GPBP1: variants seen among roughly 807,000 people sequenced by gnomAD.
The protein encoded by GPBP1 is GC-rich promoter binding protein 1.
Under a neutral mutation model 56.5 loss-of-function variants are expected in GPBP1, and 13 were observed. The observed-to-expected ratio is 0.23, with a 90% CI of 0.15 to 0.37. The LOEUF (loss-of-function observed/expected upper bound fraction) is 0.37, where lower values mean the gene tolerates loss of function less well. Among genes scored for constraint, GPBP1 ranks in the 10% least tolerant of loss-of-function variants. GPBP1 has a pLI of 1.00. For synonymous variants in GPBP1, 204 were observed against 188.9 expected (o/e 1.08, Z -0.66); for missense variants, 477 against 572.3 (o/e 0.83, Z 1.70).
At chr5:57,246,635 A>G in intron 7 of GPBP1, 151 bp downstream of exon 7, 1 of 579,612 alleles carries the variant, frequency 1.7e-6, no homozygotes, top group East Asian at 2.8e-5. Flanking sequence ...ATGTGCTCTT[A>G]ATTATCTTTG....
At chr5:57,213,678 A>G (rs934787445) in intron 2 of GPBP1, among the ~76,000 whole-genome samples, 8 of 152,152 alleles carry the variant, frequency 5.3e-5, no homozygotes, top group African/African-American at 1.9e-4. Context: ...TGGGCACAAG[A>G]CTACATCATA....
intron 10 of GPBP1, among the ~76,000 whole-genome samples, chr5:57,253,904 G>A (rs951776029): frequency 5.3e-5 from 8 of 151,674 alleles, no homozygotes; most frequent in African/African-American, 9.7e-5. Flanking sequence ...GAGTAGAGGC[G>A]TGAGCCACGA....
chr5:57,205,613 C>A (rs1274772300), intron 2 of GPBP1, among the ~76,000 whole-genome samples: 1 of 149,390 alleles, frequency 6.7e-6, no homozygotes, highest in Non-Finnish European at 1.5e-5. Context: ...TTGATTATAG[C>A]CATTCTAGTG....
chr5:57,202,118 C>A (rs1014723585), intron 2 of GPBP1, among the ~76,000 whole-genome samples: 2 of 152,122 alleles, frequency 1.3e-5, no homozygotes, highest in Admixed American at 6.5e-5. Flanking sequence ...CTCAGCCTTC[C>A]TAGTAGCTGG....
At chr5:57,254,953 C>CT (rs1294809564) in intron 10 of GPBP1, among the ~76,000 whole-genome samples, 1 of 152,170 alleles carries the variant, frequency 6.6e-6, no homozygotes, top group African/African-American at 2.4e-5. Context: ...CAGTTTATGA[C>CT]TTGTGACTAA....
At chr5:57,245,625 A>G (rs1367083401) in intron 6 of GPBP1, 1 of 152,232 alleles carries the variant, frequency 6.6e-6, no homozygotes, top group Non-Finnish European at 1.5e-5. Context: ...AATTATAGGA[A>G]TAATAGGTAT....
At chr5:57,180,505 T>C (rs538009036) in intron 2 of GPBP1, among the ~76,000 whole-genome samples, 1 of 152,298 alleles carries the variant, frequency 6.6e-6, no homozygotes, top group South Asian at 2.1e-4. Context: ...TAACAACGTT[T>C]AGATCTATCA....
chr5:57,196,956 A>G (rs904009178), intron 2 of GPBP1, among the ~76,000 whole-genome samples: 2 of 151,606 alleles, frequency 1.3e-5, no homozygotes, highest in African/African-American at 4.8e-5. Context: ...TAATTTTTTT[A>G]TTTTTAGTAG....
At chr5:57,229,732 C>T (rs1402559854) in intron 3 of GPBP1, among the ~76,000 whole-genome samples, 1 of 151,334 alleles carries the variant, frequency 6.6e-6, no homozygotes, top group Non-Finnish European at 1.5e-5. Context: ...TGGGGTTTCA[C>T]TGTGTTGGCC....
chr5:57,246,970 C>T lies in GPBP1; in HGVS notation c.664-105C>T, dbSNP rs2111922498. On this transcript the variant is annotated intron_variant, in intron 7 of 11. Coordinates refer to ENST00000506184, the MANE Select transcript of GPBP1 (RefSeq NM_022913.4). Reference sequence around the variant, plus strand: ...CAGTGTGATACAAAAATAATTGTTTCCATGAGCCTAGCGTAGTCATTTTTG... The same window carrying T: ...CAGTGTGATACAAAAATAATTGTTTTCATGAGCCTAGCGTAGTCATTTTTG... The T allele has an allele frequency of 3.4e-6, 3 of 880,974 alleles. No homozygotes were observed. In the South Asian group the frequency reaches 6.0e-5, roughly 18 times the overall value. 54.6% of individuals were successfully genotyped at this position (880,974 alleles called of 1,614,324 possible).
At position 57,246,983 on chromosome 5, in the gene GPBP1, G is replaced by A. The variant is rs552316682; in HGVS notation, c.664-92G>A. On this transcript the variant is annotated intron_variant, in intron 7 of 11. Coordinates refer to ENST00000506184, the MANE Select transcript of GPBP1 (RefSeq NM_022913.4). ...AAATAATTGTTTCCATGAGCCTAGC[G>A]TAGTCATTTTTGTTTTATAATATTC... is the stretch of plus-strand genomic sequence containing the variant. The A allele has an allele frequency of 5.6e-4, 595 of 1,067,902 alleles. 6 individuals are homozygous for A. In the South Asian group the frequency reaches 7.2e-3, roughly 13 times the overall value. 66.2% of individuals were successfully genotyped at this position (1,067,902 alleles called of 1,614,324 possible). A position where few individuals can be genotyped will look rare whatever the true frequency, so the allele number is the denominator to read the frequency against.
At chr5:57,214,343 T>G in intron 3 of GPBP1, 150 bp downstream of exon 3, 1 of 671,590 alleles carries the variant, frequency 1.5e-6, no homozygotes, top group East Asian at 2.9e-5. Context: ...CTCAGCACTT[T>G]GGGAGGCTGA....
intron 5 of GPBP1, among the ~76,000 whole-genome samples, chr5:57,232,007 G>A (rs7713382): frequency 0.27 from 41,514 of 152,008 alleles, 6,283 homozygotes; most frequent in East Asian, 0.71. Context: ...TCATGTTTGT[G>A]TGTGTGTATC....
intron 2 of GPBP1, among the ~76,000 whole-genome samples, chr5:57,183,607 C>T (rs919380429): frequency 1.3e-5 from 2 of 151,994 alleles, no homozygotes; most frequent in Admixed American, 6.6e-5. Context: ...TGTATCACTG[C>T]ACTGTAGCCT....
intron 2 of GPBP1, among the ~76,000 whole-genome samples, chr5:57,190,746 C>T (rs1423974799): frequency 4.5e-5 from 5 of 111,442 alleles, no homozygotes; most frequent in Non-Finnish European, 8.4e-5. Context: ...CTTGCTCTGT[C>T]ACCCAGGCTA....
In GPBP1 at chr5:57,251,080, A is replaced by G. The variant is rs1180151378; in HGVS notation, c.1099A>G (p.Ile367Val). The change falls in exon 10 of 12, where the codon ATT becomes GTT. Residue 367 changes from isoleucine (I) to valine (V), a missense_variant. Around this residue, in one of 2 missense-constraint regions of GPBP1, gnomAD observed 414 missense variants for 458.2 expected, o/e 0.90. Transcript: ENST00000506184. ...TGCCTCAGTGATTTCCCAGCAGATC[A>G]TTCGGTCTTCAACCTTCCCACAAAC... ...GNASVISQQI[I>V]RSSTFPQTDV... The G allele has an allele frequency of 1.2e-6, 2 of 1,613,398 alleles. No homozygotes were observed. Among genetic ancestry groups the G allele is most frequent in the Admixed American group, 1.7e-5 (1 of 59,908 alleles).
intron 2 of GPBP1, among the ~76,000 whole-genome samples, chr5:57,196,453 C>G (rs1041783743): frequency 2.6e-5 from 4 of 152,100 alleles, no homozygotes; most frequent in Non-Finnish European, 5.9e-5. Flanking sequence ...TAAGCATTAC[C>G]TTAGTGCACC....
At chr5:57,240,514 C>T (rs1282767406) in intron 6 of GPBP1, among the ~76,000 whole-genome samples, 2 of 152,174 alleles carry the variant, frequency 1.3e-5, no homozygotes, top group African/African-American at 2.4e-5. Flanking sequence ...GAACAATTTC[C>T]ATTTTCTTCA....
rs1047390667 is a variant in GPBP1, at chr5:57,263,584, A to T, written c.*832A>T. ...CATGGAAAATAAACTGGATTTTCAG[A>T]ATATTGTTGTTTTCTGTAGTGTTCA... is the stretch of plus-strand genomic sequence containing the variant. On this transcript the variant is annotated 3_prime_UTR_variant, in exon 12 of 12. Transcript: ENST00000506184. The T allele has an allele frequency of 2.6e-5, 4 of 152,192 alleles. No homozygotes were observed. Among genetic ancestry groups the T allele is most frequent in the Non-Finnish European group, 4.4e-5 (3 of 68,016 alleles). 9.4% of individuals were successfully genotyped at this position (152,192 alleles called of 1,614,324 possible).
Sources: allele counts gnomAD v4.1 joint callset (sites outside exome capture counted in the v4.1 genomes callset), GRCh38; gene constraint gnomAD v4.1.1; regional missense constraint gnomAD v4.1.1; transcripts MANE v1.5; gene names NCBI Gene and HGNC (gene_info 2026-07-23, HGNC 2026-07-21).